The following PDE3B variants were observed in gnomAD, a reference collection of about 807,000 sequenced individuals.
The protein encoded by PDE3B is phosphodiesterase 3B.
Under a neutral mutation model 116.8 loss-of-function variants are expected in PDE3B, and 66 were observed. That is an observed-to-expected ratio of 0.56 (90% CI 0.46 to 0.69). The LOEUF is 0.69. PDE3B is among the 30% of genes least tolerant of loss of function. The probability of loss-of-function intolerance (pLI) is 0.00; values close to 1 mark genes in which losing one functional copy is unlikely to be tolerated. For synonymous variants in PDE3B, 595 were observed against 533.6 expected, an observed-to-expected ratio of 1.12 and a Z score of -1.59; for missense variants, 1,384 against 1,368.1, an observed-to-expected ratio of 1.01 and a Z score of -0.18.
intron 1 of PDE3B, among the ~76,000 whole-genome samples, chr11:14,726,141 GTCTCTGT>G (rs1856300104): frequency 6.6e-6 from 1 of 152,094 alleles, no homozygotes; most frequent in East Asian, 1.9e-4. Context: ...CTTCATACCA[GTCTCTGT>G]TCAGCTGTGA....
At chr11:14,655,032 A>G (rs1853674581) in intron 1 of PDE3B, among the ~76,000 whole-genome samples, 1 of 152,192 alleles carries the variant, frequency 6.6e-6, no homozygotes, top group African/African-American at 2.4e-5. Flanking sequence ...AGATACTACC[A>G]CGAATCACAA....
At chr11:14,886,043 T>C in the PDE3B span, 1 of 890,868 alleles carries the variant, frequency 1.1e-6, no homozygotes, top group Admixed American at 2.0e-5. Flanking sequence ...TATAGGCAGT[T>C]ATTACTCAAC....
intron 1 of PDE3B, among the ~76,000 whole-genome samples, chr11:14,744,891 G>C (rs1384706867): frequency 1.3e-5 from 2 of 152,176 alleles, no homozygotes; most frequent in Non-Finnish European, 2.9e-5. Context: ...AAGCCCAGGG[G>C]ATAGGGTTAT....
rs1463981704 is a variant in PDE3B at position 14,658,861 on chromosome 11, T to A, written c.978+13808T>A. 4.6e-5 allele frequency among the ~76,000 whole-genome samples: 7 copies of A among 152,348 alleles called. No individual in the cohort carries two copies. In the East Asian group the frequency reaches 1.3e-3, roughly 29 times the overall value. On this transcript the variant is annotated intron_variant, in intron 1 of 15. Coordinates refer to ENST00000282096, the MANE Select transcript of PDE3B (RefSeq NM_000922.4). ...GTCTCTACATTTTATGTCCTTTAAA[T>A]TCAGGGACAGTATCTTATTTATTTA...
At chr11:14,877,371 C>T in the PDE3B span, 1 of 152,116 alleles carries the variant, frequency 6.6e-6, no homozygotes, top group East Asian at 1.9e-4. Flanking sequence ...GATCTTTAAT[C>T]CTTGTGATTG....
chr11:14,650,768 T>G (rs1357427660), intron 1 of PDE3B, among the ~76,000 whole-genome samples: 1 of 151,876 alleles, frequency 6.6e-6, no homozygotes, highest in Non-Finnish European at 1.5e-5. Flanking sequence ...CTTTGCTAGC[T>G]TTGGTGATGA....
In PDE3B at chr11:14,667,396, G is replaced by A. The variant is rs533925224; in HGVS notation, c.978+22343G>A. On this transcript the variant is annotated intron_variant, in intron 1 of 15. Coordinates refer to ENST00000282096, the MANE Select transcript of PDE3B (RefSeq NM_000922.4). The stretch of plus-strand genomic sequence containing the variant: ...ACATGTATACACATGTAACTAACCT[G>A]CACATTGTGCACATGTACCCTAAAA... Among the ~76,000 whole-genome samples the A allele has an allele frequency of 3.3e-5, 5 of 150,710 alleles. No homozygotes were observed. In the South Asian group the frequency reaches 1.1e-3, roughly 32 times the overall value.
chr11:14,669,181 T>C lies in PDE3B; in HGVS notation c.978+24128T>C, dbSNP rs148581525. Among the ~76,000 whole-genome samples, 291 of 152,196 alleles carry C rather than the reference T, an allele frequency of 1.9e-3. 1 individual carries two copies. Among genetic ancestry groups the C allele is most frequent in the African/African-American group, 6.3e-3 (263 of 41,522 alleles). On this transcript the variant is annotated intron_variant, in intron 1 of 15. Transcript: ENST00000282096. ...AGAGAGTAGCTGTATAGAGATTCAT[T>C]TGAAAGAAGCCGTGGCTCTGGTAGT... is the stretch of plus-strand genomic sequence containing the variant.
chr11:14,739,498 T>G (rs555962551), intron 1 of PDE3B, among the ~76,000 whole-genome samples: 73 of 152,322 alleles, frequency 4.8e-4, no homozygotes, highest in African/African-American at 1.6e-3. Context: ...TAAGGAGATT[T>G]TGGGCTGAGA....
chr11:14,663,566 A>T (rs555523322), intron 1 of PDE3B, among the ~76,000 whole-genome samples: 40 of 152,286 alleles, frequency 2.6e-4, no homozygotes, highest in African/African-American at 7.2e-4. Context: ...AATAAAAGGA[A>T]GGAGGAAGAT....
intron 4 of PDE3B, among the ~76,000 whole-genome samples, chr11:14,797,014 T>C (rs1383692986): frequency 6.6e-6 from 1 of 152,246 alleles, no homozygotes; most frequent in Non-Finnish European, 1.5e-5. Flanking sequence ...GTTTAAGTCT[T>C]TAATCCATCT....
intron 7 of PDE3B, among the ~76,000 whole-genome samples, chr11:14,824,896 T>TA (rs989594914): frequency 2.0e-5 from 3 of 151,930 alleles, no homozygotes; most frequent in African/African-American, 7.2e-5. Context: ...GCAGGTCACC[T>TA]ACGAAGGGAA....
At chr11:14,823,642 C>G (rs1319811837) in intron 7 of PDE3B, among the ~76,000 whole-genome samples, 1 of 150,018 alleles carries the variant, frequency 6.7e-6, no homozygotes, top group Non-Finnish European at 1.5e-5. Flanking sequence ...TTTCAAACCT[C>G]CCTGGGATGG....
chr11:14,699,127 T>C (rs1445025634), intron 1 of PDE3B: 1 of 151,972 alleles, frequency 6.6e-6, no homozygotes, highest in East Asian at 1.9e-4. Flanking sequence ...ATTCCAAAAC[T>C]GAACAAATAA....
chr11:14,872,638 G>A (rs1848155028), downstream of PDE3B, among the ~76,000 whole-genome samples: 1 of 152,154 alleles, frequency 6.6e-6, no homozygotes, highest in Non-Finnish European at 1.5e-5. Context: ...CATTTTATGA[G>A]GATCAAATAG....
chr11:14,680,764 A>G (rs1323059480), intron 1 of PDE3B, among the ~76,000 whole-genome samples: 1 of 148,012 alleles, frequency 6.8e-6, no homozygotes, highest in African/African-American at 2.4e-5. Context: ...TGGTAAAATA[A>G]AAATAGAAAT....
intron 4 of PDE3B, among the ~76,000 whole-genome samples, chr11:14,790,970 C>T (rs530315823): frequency 1.2e-4 from 18 of 152,180 alleles, no homozygotes; most frequent in African/African-American, 4.1e-4. Flanking sequence ...TCTGCACTGT[C>T]TAATATGGTA....
chr11:14,868,256 G>C (rs945911900), intron 15 of PDE3B, among the ~76,000 whole-genome samples: 9 of 152,176 alleles, frequency 5.9e-5, no homozygotes, highest in African/African-American at 2.2e-4. Flanking sequence ...GTGCATGCAC[G>C]ATAGGGCCAT....
chr11:14,804,387 G>A (rs1858857942), intron 5 of PDE3B, among the ~76,000 whole-genome samples: 1 of 151,554 alleles, frequency 6.6e-6, no homozygotes, highest in Non-Finnish European at 1.5e-5. Flanking sequence ...AATGATAATT[G>A]TGGAGAAAAA....
Sources: gnomAD v4.1 joint callset for allele counts (sites outside exome capture counted in the v4.1 genomes callset) on GRCh38, gnomAD v4.1.1 for gene constraint, MANE v1.5 for transcripts, NCBI Gene and HGNC (gene_info 2026-07-23, HGNC 2026-07-21) for gene names.